Variants in AP4S1 observed in about 807,000 individuals in gnomAD.
The protein encoded by AP4S1 is adaptor related protein complex 4 subunit sigma 1.
AP4S1 carries 23 observed loss-of-function variants against 19.8 expected under a neutral mutation model. That is an observed-to-expected ratio of 1.16 (90% CI 0.84 to 1.65). The LOEUF (loss-of-function observed/expected upper bound fraction) is 1.65, where lower values mean the gene tolerates loss of function less well. Among genes scored for constraint, AP4S1 ranks in the 40% most tolerant of loss-of-function variants. AP4S1 has a pLI of 0.00. For missense variants in AP4S1, 166 were observed against 172.8 expected, an observed-to-expected ratio of 0.96 and a Z score of 0.22; for synonymous variants, 46 against 54.1, an observed-to-expected ratio of 0.85 and a Z score of 0.66.
chr14:31,049,612 A>G (rs1048972440), intron 1 of AP4S1, among the ~76,000 whole-genome samples: 1 of 151,416 alleles, frequency 6.6e-6, no homozygotes, highest in Non-Finnish European at 1.5e-5. Flanking sequence ...ACTCAGACAC[A>G]CACACAAACA....
chr14:31,043,566 G>C (rs558728806), intron 1 of AP4S1, among the ~76,000 whole-genome samples: 1 of 152,270 alleles, frequency 6.6e-6, no homozygotes, highest in Non-Finnish European at 1.5e-5. Flanking sequence ...GGAGGTTCTG[G>C]AGTGTTTCAC....
In AP4S1 at chr14:31,092,904, T is replaced by C. The variant is rs1304596734; in HGVS notation, c.307-3T>C. The C allele has an allele frequency of 4.6e-6, 7 of 1,516,328 alleles. No individual in the cohort carries two copies. In the East Asian group the frequency reaches 1.5e-4, roughly 33 times the overall value. The allele number at this position is 1,516,328 out of a possible 1,614,324, so 93.9% of individuals were successfully genotyped here. A position where few individuals can be genotyped will look rare whatever the true frequency, so the allele number is the denominator to read the frequency against. Reference sequence around the variant, plus strand: ...TAAACTAATTTCCTTAATATAACCGTAGATAATGTTTAATTTGGATAAAGT... The same window carrying C: ...TAAACTAATTTCCTTAATATAACCGCAGATAATGTTTAATTTGGATAAAGT... On this transcript the variant is annotated splice_region_variant and splice_polypyrimidine_tract_variant and intron_variant, in intron 5 of 5. Coordinates refer to ENST00000542754, the MANE Select transcript of AP4S1 (RefSeq NM_001128126.3).
intron 5 of AP4S1, among the ~76,000 whole-genome samples, chr14:31,080,920 C>T (rs1308928304): frequency 6.6e-6 from 1 of 152,128 alleles, no homozygotes; most frequent in Non-Finnish European, 1.5e-5. Context: ...GCCTCAGCCT[C>T]CTGAGGCATT....
chr14:31,033,154 T>A (rs1183612999), intron 1 of AP4S1: 2 of 152,218 alleles, frequency 1.3e-5, no homozygotes, highest in Non-Finnish European at 2.9e-5. Flanking sequence ...ATCATTTACA[T>A]GTTTGAAATT....
intron 5 of AP4S1, chr14:31,086,259 G>A (rs1238986942): frequency 6.6e-6 from 1 of 152,238 alleles, no homozygotes; most frequent in Non-Finnish European, 1.5e-5. Context: ...CTTCAGGGAA[G>A]CATCCAGCAC....
intron 1 of AP4S1, among the ~76,000 whole-genome samples, chr14:31,030,351 T>G (rs1884316648): frequency 6.6e-6 from 1 of 152,174 alleles, no homozygotes; most frequent in African/African-American, 2.4e-5. Context: ...TTACACATAG[T>G]GAGTACTCAA....
intron 1 of AP4S1, among the ~76,000 whole-genome samples, chr14:31,029,117 A>G (rs1442352590): frequency 6.6e-6 from 1 of 152,140 alleles, no homozygotes; most frequent in Non-Finnish European, 1.5e-5. Context: ...CAGTCATTCT[A>G]CTACCTTTCA....
chr14:31,064,036 A>C (rs1387133508), intron 1 of AP4S1, among the ~76,000 whole-genome samples: 1 of 152,210 alleles, frequency 6.6e-6, no homozygotes, highest in Non-Finnish European at 1.5e-5. Flanking sequence ...ATTGATGAAT[A>C]TTATGCTCAC....
chr14:31,068,853 A>G (rs1391235037), intron 2 of AP4S1, among the ~76,000 whole-genome samples: 1 of 152,126 alleles, frequency 6.6e-6, no homozygotes, highest in Non-Finnish European at 1.5e-5. Flanking sequence ...AGCTTTGAAA[A>G]ATGTTCCTCA....
At chr14:31,074,621 T>C (rs1220657157) in intron 4 of AP4S1, among the ~76,000 whole-genome samples, 4 of 150,976 alleles carry the variant, frequency 2.6e-5, no homozygotes. Flanking sequence ...TGCAGTGAGC[T>C]GAGATCACGC....
intron 1 of AP4S1, among the ~76,000 whole-genome samples, chr14:31,038,424 C>T (rs901880360): frequency 6.6e-6 from 1 of 152,130 alleles, no homozygotes; most frequent in Non-Finnish European, 1.5e-5. Context: ...TTGTGGTGTG[C>T]TCCAGGGTCA....
intron 1 of AP4S1, among the ~76,000 whole-genome samples, chr14:31,040,404 T>C (rs1414353932): frequency 2.0e-5 from 3 of 152,168 alleles, no homozygotes; most frequent in Non-Finnish European, 4.4e-5. Flanking sequence ...TTTATTTGTT[T>C]CTTCCTTAAC....
intron 1 of AP4S1, among the ~76,000 whole-genome samples, chr14:31,035,562 T>A (rs1038038763): frequency 6.7e-5 from 10 of 148,876 alleles, no homozygotes; most frequent in Admixed American, 2.0e-4. Context: ...AACAATTTTT[T>A]AAAAAAAAGA....
At chr14:31,049,474 T>TACACACAC (rs1165169644) in intron 1 of AP4S1, among the ~76,000 whole-genome samples, 2,326 of 56,992 alleles carry the variant, frequency 0.041, 82 homozygotes, top group East Asian at 0.07. Context: ...TATATATATG[T>TACACACAC]ACACACACAC....
chr14:31,073,469 A>C (rs12880057), intron 4 of AP4S1, among the ~76,000 whole-genome samples: 5 of 144,026 alleles, frequency 3.5e-5, no homozygotes, highest in Admixed American at 6.9e-5. Flanking sequence ...CAGCCTGGGC[A>C]ACAGAGCGAG....
intron 4 of AP4S1, among the ~76,000 whole-genome samples, chr14:31,075,273 T>G (rs975749625): frequency 6.6e-6 from 1 of 152,156 alleles, no homozygotes; most frequent in Non-Finnish European, 1.5e-5. Flanking sequence ...AATGAGAACA[T>G]GTGATATTTG....
chr14:31,074,032 T>C (rs1887207151), intron 4 of AP4S1, among the ~76,000 whole-genome samples: 1 of 152,032 alleles, frequency 6.6e-6, no homozygotes, highest in Admixed American at 6.5e-5. Flanking sequence ...AGTTCACCCA[T>C]TTAAAGTGTG....
intron 1 of AP4S1, among the ~76,000 whole-genome samples, chr14:31,028,592 C>T (rs1010081004): frequency 7.6e-6 from 1 of 131,210 alleles, no homozygotes; most frequent in Non-Finnish European, 1.7e-5. Flanking sequence ...GACATACACA[C>T]ACATACACAC....
rs1029842016 is a variant in AP4S1, at chr14:31,030,649, C to T, written c.-72+4862C>T. Among the ~76,000 whole-genome samples, 9 of 152,142 alleles carry T rather than the reference C, an allele frequency of 5.9e-5. No individual in the cohort carries two copies. In the South Asian group the frequency reaches 1.9e-3, roughly 32 times the overall value. ...CAGGCATAAGCCACTGAGCCCAGCC[C>T]GTTTTTTTTATTTTTTAAGAAGTAC... On this transcript the variant is annotated intron_variant, in intron 1 of 5. Coordinates refer to ENST00000542754, the MANE Select transcript of AP4S1 (RefSeq NM_001128126.3).
Sources: gnomAD v4.1 joint callset for allele counts (sites outside exome capture counted in the v4.1 genomes callset) on GRCh38, gnomAD v4.1.1 for gene constraint, MANE v1.5 for transcripts, NCBI Gene and HGNC (gene_info 2026-07-23, HGNC 2026-07-21) for gene names.